Variants in CRTC1 observed in about 807,000 individuals in gnomAD.
CRTC1 encodes CREB-regulated transcription coactivator 1.
A neutral mutation model predicts 66.1 loss-of-function variants in CRTC1; 18 were observed. The observed-to-expected ratio is 0.27, with a 90% CI of 0.19 to 0.40. The LOEUF is 0.40. Among genes scored for constraint, CRTC1 ranks in the 10% least tolerant of loss-of-function variants. The probability of loss-of-function intolerance (pLI) is 1.00; values close to 1 mark genes in which losing one functional copy is unlikely to be tolerated. For synonymous variants in CRTC1, 416 were observed against 398.8 expected (o/e 1.04, Z -0.51); for missense variants, 669 against 887.9 (o/e 0.75, Z 3.13).
At chr19:18,762,968 C>T (rs957330525) in intron 8 of CRTC1, among the ~76,000 whole-genome samples, 4 of 152,220 alleles carry the variant, frequency 2.6e-5, no homozygotes, top group East Asian at 1.9e-4. Context: ...CACATCTTGA[C>T]GTTTCTGACA....
Position 18,780,286 on chromosome 19 carries a change from AC to A in CRTC1, c.*2905del, listed in dbSNP as rs1396558760. 1.3e-5 allele frequency: 3 copies of A among 231,232 alleles called. No individual in the cohort carries two copies. In the Admixed American group the frequency reaches 1.7e-4, roughly 13 times the overall value. The allele number at this position is 231,232 out of a possible 1,614,324, so 14.3% of individuals were successfully genotyped here. On this transcript the variant is annotated 3_prime_UTR_variant, in exon 14 of 14. Transcript: ENST00000321949. The stretch of plus-strand genomic sequence containing the variant: ...CCTCTGCTGGGTACATCGGTCCCCT[AC>A]GGCGAAGTTCAGCCAGGGCTCTCCC...
At chr19:18,743,449 G>A (rs550301491) in intron 2 of CRTC1, among the ~76,000 whole-genome samples, 57 of 152,356 alleles carry the variant, frequency 3.7e-4, no homozygotes, top group Non-Finnish European at 6.3e-4. Context: ...CGCGGCTCCC[G>A]CAGGCCGCAC....
chr19:18,689,556 T>G lies in CRTC1; in HGVS notation c.126+5728T>G, dbSNP rs1057476356. 1.8e-4 allele frequency among the ~76,000 whole-genome samples: 11 copies of G among 60,068 alleles called. 1 individual carries two copies. Among genetic ancestry groups the G allele is most frequent in the African/African-American group, 1.1e-3 (11 of 10,022 alleles). The allele number at this position is 60,068 out of a possible 152,430, so 39.4% of individuals were successfully genotyped here. ...TGAGACTCCATCTCAAAAAAAAAAA[T>G]TGATGGCCATATATATATATATATA... On this transcript the variant is annotated intron_variant, in intron 1 of 13. Coordinates refer to ENST00000321949, the MANE Select transcript of CRTC1 (RefSeq NM_015321.3).
chr19:18,772,316 C>T (rs2054888126), intron 11 of CRTC1, among the ~76,000 whole-genome samples: 1 of 152,202 alleles, frequency 6.6e-6, no homozygotes, highest in Middle Eastern at 3.2e-3. Flanking sequence ...CACATTCCAT[C>T]TAGAACATTT....
intron 6 of CRTC1, among the ~76,000 whole-genome samples, chr19:18,753,948 A>C (rs1052137890): frequency 1.3e-5 from 2 of 152,072 alleles, no homozygotes; most frequent in African/African-American, 4.8e-5. Context: ...AAAAATACAA[A>C]AAATTAGCTG....
At chr19:18,701,749 G>A (rs2053145484) in intron 1 of CRTC1, among the ~76,000 whole-genome samples, 1 of 151,962 alleles carries the variant, frequency 6.6e-6, no homozygotes. Context: ...GGGATTACAG[G>A]CGTGTGTCAC....
Position 18,777,271 on chromosome 19 carries a change from C to G in CRTC1, c.1794C>G (p.Asp598Glu). 1.9e-6 allele frequency: 3 copies of G among 1,612,460 alleles called. No individual in the cohort carries two copies. Among genetic ancestry groups the G allele is most frequent in the Non-Finnish European group, 2.5e-6 (3 of 1,179,906 alleles). The change falls in exon 14 of 14, where the codon GAC (aspartate) becomes GAG (glutamate). Residue 598 changes from aspartate (D) to glutamate (E), a missense_variant. Physicochemically the swap from Asp to Glu is conservative, Grantham distance 45. Coordinates refer to ENST00000321949, the MANE Select transcript of CRTC1 (RefSeq NM_015321.3). The surrounding 1 kb of genome is among the most constrained non-coding windows in gnomAD (Gnocchi z 5.5). ...ACTCCGACAGCCAGTTTCCCCTGGA[C>G]GAACTCAAGATCGACCCCCTGACCC... is the stretch of plus-strand genomic sequence containing the variant. ...SFDSDSQFPL[D>E]ELKIDPLTLD...
chr19:18,775,541 C>G, intron 12 of CRTC1, 100 bp from the exon 13 acceptor site: 3 of 1,113,700 alleles, frequency 2.7e-6, no homozygotes, highest in Non-Finnish European at 3.7e-6. Flanking sequence ...GGACAGAGTC[C>G]CCAGCTGCGG....
At chr19:18,773,697 T>G (rs2145861381) in intron 11 of CRTC1, among the ~76,000 whole-genome samples, 1 of 152,372 alleles carries the variant, frequency 6.6e-6, no homozygotes, top group South Asian at 2.1e-4. Flanking sequence ...ATAGCATTTT[T>G]GCCACACGTG....
Position 18,778,565 on chromosome 19 carries a change from A to C in CRTC1, c.*1183A>C, listed in dbSNP as rs953365547. ...GCCTTGTCAGGAGCTCACGGTAGGCAGAGGTGCCTCTGCCAGGGCCACAGA... is the reference window on the plus strand; with the variant it reads ...GCCTTGTCAGGAGCTCACGGTAGGCCGAGGTGCCTCTGCCAGGGCCACAGA... On this transcript the variant is annotated 3_prime_UTR_variant, in exon 14 of 14. Transcript: ENST00000321949. 2 of 231,024 alleles carry C rather than the reference A, an allele frequency of 8.7e-6. No homozygotes were observed. Among genetic ancestry groups the C allele is most frequent in the African/African-American group, 4.4e-5 (2 of 45,188 alleles). 14.3% of individuals were successfully genotyped at this position (231,024 alleles called of 1,614,324 possible).
At position 18,723,262 on chromosome 19, in the gene CRTC1, G is replaced by C. The variant is rs551013315; in HGVS notation, c.127-19648G>C. ...GCCCGGCCTACAATCATATTTTGTT[G>C]TACGGATGGACCACATTTTGTTTAT... On this transcript the variant is annotated intron_variant, in intron 1 of 13. Coordinates refer to ENST00000321949, the MANE Select transcript of CRTC1 (RefSeq NM_015321.3). Among the ~76,000 whole-genome samples, 5 of 152,282 alleles carry C rather than the reference G, an allele frequency of 3.3e-5. No individual in the cohort carries two copies. In the East Asian group the frequency reaches 9.7e-4, roughly 29 times the overall value.
chr19:18,745,002 T>C (rs141850669), intron 2 of CRTC1, among the ~76,000 whole-genome samples: 6 of 152,240 alleles, frequency 3.9e-5, no homozygotes, highest in African/African-American at 1.4e-4. Context: ...GACTGGGGGA[T>C]TGGCTGCATC....
At chr19:18,686,194 C>T (rs907442053) in intron 1 of CRTC1, among the ~76,000 whole-genome samples, 9 of 151,958 alleles carry the variant, frequency 5.9e-5, no homozygotes, top group Admixed American at 1.3e-4. Flanking sequence ...TCACACAACA[C>T]GTGGCCTTTT....
intron 1 of CRTC1, among the ~76,000 whole-genome samples, chr19:18,697,673 CAT>C (rs1305290819): frequency 1.3e-5 from 2 of 152,206 alleles, no homozygotes; most frequent in African/African-American, 4.8e-5. Context: ...GTCTCTGCCT[CAT>C]TGGATCATGG....
At chr19:18,744,731 C>T (rs1331073429) in intron 2 of CRTC1, among the ~76,000 whole-genome samples, 1 of 152,136 alleles carries the variant, frequency 6.6e-6, no homozygotes, top group Non-Finnish European at 1.5e-5. Flanking sequence ...GTCACAGGCC[C>T]ACGTCTCCCA....
chr19:18,706,151 A>C (rs1245024003), intron 1 of CRTC1, among the ~76,000 whole-genome samples: 1 of 34,254 alleles, frequency 2.9e-5, no homozygotes, highest in Non-Finnish European at 6.1e-5. Context: ...GTGACAGTTT[A>C]TTTCTGGGCT....
intron 9 of CRTC1, among the ~76,000 whole-genome samples, chr19:18,765,954 C>A (rs1008484896): frequency 5.3e-5 from 8 of 149,564 alleles, no homozygotes; most frequent in Non-Finnish European, 1.0e-4. Flanking sequence ...GAGTGAGACT[C>A]TGTTTCAAAA....
At chr19:18,701,147 C>T (rs772848032) in intron 1 of CRTC1, among the ~76,000 whole-genome samples, 3 of 152,246 alleles carry the variant, frequency 2.0e-5, no homozygotes, top group South Asian at 2.1e-4. Context: ...CCGGCTCAGC[C>T]GGGGCAGAAG....
chr19:18,721,934 C>T (rs184397153), intron 1 of CRTC1, among the ~76,000 whole-genome samples: 187 of 152,302 alleles, frequency 1.2e-3, no homozygotes, highest in Non-Finnish European at 2.2e-3. Flanking sequence ...TACTGAGGTC[C>T]CCCAGCCTCC....
Sources: gnomAD v4.1 joint callset for allele counts (sites outside exome capture counted in the v4.1 genomes callset) on GRCh38, gnomAD v4.1.1 for gene constraint, Gnocchi (gnomAD v3.1) non-coding constraint, MANE v1.5 for transcripts, NCBI Gene and HGNC (gene_info 2026-07-23, HGNC 2026-07-21) for gene names.